Variants in AGMO observed in about 807,000 individuals in gnomAD.
AGMO encodes glyceryl-ether monooxygenase.
AGMO carries 75 observed loss-of-function variants against 60.2 expected under a neutral mutation model. The observed-to-expected ratio is 1.25, with a 90% CI of 1.03 to 1.51. The LOEUF (loss-of-function observed/expected upper bound fraction) is 1.51, where lower values mean the gene tolerates loss of function less well. Among genes scored for constraint, AGMO ranks in the 40% most tolerant of loss-of-function variants. AGMO has a pLI of 0.00. For missense variants in AGMO, 763 were observed against 525.5 expected, an observed-to-expected ratio of 1.45 and a Z score of -4.42; for synonymous variants, 261 against 177.1, an observed-to-expected ratio of 1.47 and a Z score of -3.76.
chr7:15,207,325 A>T (rs1781464142), intron 12 of AGMO, among the ~76,000 whole-genome samples: 1 of 152,218 alleles, frequency 6.6e-6, no homozygotes, highest in Non-Finnish European at 1.5e-5. Flanking sequence ...TGAATTTTTA[A>T]TCTTTGATTT....
chr7:15,368,079 T>C (rs1262435390), intron 10 of AGMO, among the ~76,000 whole-genome samples: 2 of 151,906 alleles, frequency 1.3e-5, no homozygotes, highest in East Asian at 3.9e-4. Flanking sequence ...AAAGCAATAC[T>C]TTAGTGGAAG....
the AGMO span, among the ~76,000 whole-genome samples, chr7:15,126,218 C>G: frequency 2.0e-5 from 3 of 152,202 alleles, no homozygotes; most frequent in Admixed American, 6.5e-5. Flanking sequence ...AATACTTAAA[C>G]TCTTTAAGTC....
chr7:15,345,762 AACTT>A (rs1195856750), intron 12 of AGMO, among the ~76,000 whole-genome samples: 2 of 152,214 alleles, frequency 1.3e-5, no homozygotes, highest in African/African-American at 2.4e-5. Flanking sequence ...AAAGCTTGAT[AACTT>A]ACTTATCTAT....
chr7:15,201,329 C>A lies in AGMO; in HGVS notation c.1294G>T (p.Gly432Ter). 2 of 1,611,806 alleles carry A rather than the reference C, an allele frequency of 1.2e-6. No homozygotes were observed. Among genetic ancestry groups the A allele is most frequent in the Non-Finnish European group, 1.7e-6 (2 of 1,179,048 alleles). ...GTGAGTTGTTTCATGCTTCTAACTC[C>A]CCAGAAAGCAATGCAAATGGAAAAA... ...IVFSICIAFW[G>*]VRSMKQLTSH... is the part of the protein sequence containing the mutation. Residue 432 changes from glycine to a stop codon, truncating the protein, a stop_gained, in exon 13 of 13, where the codon GGA becomes TGA. Transcript: ENST00000342526. LOFTEE classifies it high-confidence loss of function.
At chr7:15,137,486 C>G in the AGMO span, among the ~76,000 whole-genome samples, 1 of 152,038 alleles carries the variant, frequency 6.6e-6, no homozygotes, top group East Asian at 1.9e-4. Flanking sequence ...TAAATTGTTC[C>G]TCAGGGATTT....
At chr7:15,176,770 C>T in the AGMO span, among the ~76,000 whole-genome samples, 1 of 151,904 alleles carries the variant, frequency 6.6e-6, no homozygotes, top group Non-Finnish European at 1.5e-5. Flanking sequence ...ATTAGATCCC[C>T]AGAGCTTATT....
chr7:15,304,662 G>A (rs1027744588), intron 12 of AGMO, among the ~76,000 whole-genome samples: 1 of 151,994 alleles, frequency 6.6e-6, no homozygotes, highest in African/African-American at 2.4e-5. Context: ...GTACTTTATA[G>A]GGCCATGATT....
chr7:15,427,850 G>A (rs1487725874), intron 4 of AGMO, among the ~76,000 whole-genome samples: 2 of 152,078 alleles, frequency 1.3e-5, no homozygotes, highest in Non-Finnish European at 2.9e-5. Context: ...CTCCTTGTTG[G>A]TGAGTAATAT....
chr7:15,493,334 A>AACACACACACAC (rs144549105), intron 3 of AGMO, among the ~76,000 whole-genome samples: 8,012 of 70,290 alleles, frequency 0.11, 607 homozygotes, highest in Non-Finnish European at 0.14. Flanking sequence ...AAACACACAA[A>AACACACACACAC]ACACACACAC....
Position 15,401,426 on chromosome 7 carries a change from A to C in AGMO, c.610-7247T>G, listed in dbSNP as rs1394999132. On this transcript the variant is annotated intron_variant, in intron 5 of 12. Transcript: ENST00000342526. The stretch of plus-strand genomic sequence containing the variant: ...CAGAACAAGACTTATCTTCATCAAA[A>C]ATATTCAGTTTGTTCAAAACAAATT... Among the ~76,000 whole-genome samples the C allele has an allele frequency of 9.9e-5, 15 of 152,224 alleles. No homozygotes were observed. In the East Asian group the frequency reaches 2.9e-3, roughly 29 times the overall value.
At chr7:15,385,146 A>C (rs533253377) in intron 10 of AGMO, among the ~76,000 whole-genome samples, 1 of 152,308 alleles carries the variant, frequency 6.6e-6, no homozygotes, top group Non-Finnish European at 1.5e-5. Context: ...TGACTTCTGA[A>C]GTATTTTTAT....
intron 2 of AGMO, among the ~76,000 whole-genome samples, chr7:15,553,904 C>T (rs1258209428): frequency 1.3e-5 from 2 of 152,044 alleles, no homozygotes; most frequent in Non-Finnish European, 2.9e-5. Context: ...CACCACATCC[C>T]ACACACATTA....
At chr7:15,349,286 T>G (rs2128553068) in intron 12 of AGMO, among the ~76,000 whole-genome samples, 1 of 152,238 alleles carries the variant, frequency 6.6e-6, no homozygotes, top group East Asian at 1.9e-4. Flanking sequence ...TGTCCCAGGC[T>G]CCCTAACGAT....
chr7:15,126,240 T>C, the AGMO span, among the ~76,000 whole-genome samples: 1 of 152,120 alleles, frequency 6.6e-6, no homozygotes, highest in African/African-American at 2.4e-5. Context: ...GTTTTTTATA[T>C]AAAGCCAATG....
At chr7:15,409,254 G>T (rs1011872900) in intron 5 of AGMO, among the ~76,000 whole-genome samples, 1 of 151,928 alleles carries the variant, frequency 6.6e-6, no homozygotes, top group African/African-American at 2.4e-5. Context: ...GGTACAGGAA[G>T]AATTACAACT....
chr7:15,426,098 G>C (rs925429328), intron 4 of AGMO, among the ~76,000 whole-genome samples: 4 of 152,212 alleles, frequency 2.6e-5, no homozygotes, highest in African/African-American at 9.6e-5. Flanking sequence ...AATTTTTGGA[G>C]TGTCTATTAA....
At chr7:15,538,239 T>C (rs1354881431) in intron 3 of AGMO, among the ~76,000 whole-genome samples, 2 of 152,028 alleles carry the variant, frequency 1.3e-5, no homozygotes, top group Non-Finnish European at 2.9e-5. Context: ...TGTATTATTA[T>C]TATTATTATT....
At chr7:15,185,289 A>T in the AGMO span, among the ~76,000 whole-genome samples, 1 of 152,294 alleles carries the variant, frequency 6.6e-6, no homozygotes, top group African/African-American at 2.4e-5. Context: ...GATATAATAT[A>T]TTTGAATTAG....
At chr7:15,150,463 T>C in the AGMO span, among the ~76,000 whole-genome samples, 6 of 152,100 alleles carry the variant, frequency 3.9e-5, no homozygotes, top group Non-Finnish European at 8.8e-5. Context: ...CTCTTATTAT[T>C]TTGAGGTATG....
Sources: gnomAD v4.1 joint callset for allele counts (sites outside exome capture counted in the v4.1 genomes callset) on GRCh38, gnomAD v4.1.1 for gene constraint, MANE v1.5 for transcripts, NCBI Gene and HGNC (gene_info 2026-07-23, HGNC 2026-07-21) for gene names.